BMP7: variants seen among roughly 807,000 people sequenced by gnomAD.
The protein encoded by BMP7 is bone morphogenetic protein 7, also known as osteogenic protein 1.
In BMP7, 12 loss-of-function variants were observed where a neutral mutation model predicts 41.2. The observed-to-expected ratio is 0.29, with a 90% CI of 0.19 to 0.47. The LOEUF (loss-of-function observed/expected upper bound fraction) is 0.47, where lower values mean the gene tolerates loss of function less well. Among genes scored for constraint, BMP7 ranks in the 20% least tolerant of loss-of-function variants. The probability of loss-of-function intolerance (pLI) is 0.99; values close to 1 mark genes in which losing one functional copy is unlikely to be tolerated. For synonymous variants in BMP7, 248 were observed against 250.0 expected (o/e 0.99, Z 0.07); for missense variants, 467 against 606.0 (o/e 0.77, Z 2.41).
chr20:57,266,232 G>T lies in BMP7; in HGVS notation c.-110C>A. On this transcript the variant is annotated 5_prime_UTR_variant, in exon 1 of 7. Transcript: ENST00000395863. ...CCGCTCGGTCACTTGCTGCAGACGG[G>T]CCCCGCTGCGCCCGCGCCAGACATG... The T allele has an allele frequency of 9.0e-7, 1 of 1,116,602 alleles. No homozygotes were observed. Among genetic ancestry groups the T allele is most frequent in the Non-Finnish European group, 1.2e-6 (1 of 858,918 alleles). The allele number at this position is 1,116,602 out of a possible 1,614,324, so 69.2% of individuals were successfully genotyped here.
Position 57,197,864 on chromosome 20 carries a change from T to A in BMP7, c.760+4611A>T, listed in dbSNP as rs1053977442. ...GACCACACAAAGGTGACTGAGGAGC[T>A]GTGCTATGACAGGGGCAGGGGTGCC... On this transcript the variant is annotated intron_variant, in intron 3 of 6. Coordinates refer to ENST00000395863, the MANE Select transcript of BMP7 (RefSeq NM_001719.3). 1.5e-4 allele frequency among the ~76,000 whole-genome samples: 23 copies of A among 152,176 alleles called. 1 individual carries two copies. Among genetic ancestry groups the A allele is most frequent in the African/African-American group, 5.1e-4 (21 of 41,438 alleles).
intron 2 of BMP7, among the ~76,000 whole-genome samples, chr20:57,227,400 C>T (rs967575379): frequency 2.0e-5 from 3 of 151,634 alleles, no homozygotes; most frequent in African/African-American, 7.3e-5. Flanking sequence ...CCACCCCCCA[C>T]CAGCACCAAA....
intron 1 of BMP7, among the ~76,000 whole-genome samples, chr20:57,248,952 C>T (rs111467080): frequency 0.017 from 2,525 of 152,088 alleles, 59 homozygotes; most frequent in African/African-American, 0.057. Flanking sequence ...GTGCCCACCA[C>T]CACGCCCAGC....
intron 2 of BMP7, among the ~76,000 whole-genome samples, chr20:57,222,984 A>T (rs919559988): frequency 1.3e-5 from 2 of 152,036 alleles, no homozygotes; most frequent in African/African-American, 4.8e-5. Flanking sequence ...TGGGAAGAAG[A>T]ACAGTCTTCT....
chr20:57,199,099 G>C (rs559803478), intron 3 of BMP7, among the ~76,000 whole-genome samples: 7 of 152,306 alleles, frequency 4.6e-5, no homozygotes, highest in Admixed American at 4.6e-4. Flanking sequence ...GTTAATATCA[G>C]TAAGAGGTCC....
Position 57,266,615 on chromosome 20 carries a change from A to T in BMP7, c.-493T>A, listed in dbSNP as rs1600651581. ...CAGCCTTGTGCGCCCTGGATCGCAC[A>T]AGAGGCCGCCTCGGGAGCGCCAGAG... is the stretch of plus-strand genomic sequence containing the variant. On this transcript the variant is annotated 5_prime_UTR_variant, in exon 1 of 7. Coordinates refer to ENST00000395863, the MANE Select transcript of BMP7 (RefSeq NM_001719.3). 1 of 152,456 alleles carries T rather than the reference A, an allele frequency of 6.6e-6. No homozygotes were observed. Among genetic ancestry groups the T allele is most frequent in the Non-Finnish European group, 1.5e-5 (1 of 68,198 alleles). 9.4% of individuals were successfully genotyped at this position (152,456 alleles called of 1,614,324 possible).
At chr20:57,240,366 C>T (rs1405178665) in intron 1 of BMP7, among the ~76,000 whole-genome samples, 1 of 152,230 alleles carries the variant, frequency 6.6e-6, no homozygotes, top group Non-Finnish European at 1.5e-5. Flanking sequence ...TCTGAGACCA[C>T]TTCAGCCTGG....
At position 57,202,461 on chromosome 20, in the gene BMP7, G is replaced by A; in HGVS notation, c.760+14C>T. 1 of 1,602,048 alleles carries A rather than the reference G, an allele frequency of 6.2e-7. No individual in the cohort carries two copies. Among genetic ancestry groups the A allele is most frequent in the Admixed American group, 1.7e-5 (1 of 59,932 alleles). On this transcript the variant is annotated intron_variant, in intron 3 of 6. Coordinates refer to ENST00000395863, the MANE Select transcript of BMP7 (RefSeq NM_001719.3). The stretch of plus-strand genomic sequence containing the variant: ...ACAGGCTGCATTAGGACTGGCAGTG[G>A]CCGGGGGACTCACCATCCAGCGTCT...
chr20:57,253,424 T>G (rs1215188611), intron 1 of BMP7, among the ~76,000 whole-genome samples: 1 of 152,210 alleles, frequency 6.6e-6, no homozygotes, highest in East Asian at 1.9e-4. Flanking sequence ...TACCCCCTCT[T>G]TCTTGACCAT....
intron 1 of BMP7, among the ~76,000 whole-genome samples, chr20:57,260,732 A>G (rs748502905): frequency 1.3e-5 from 2 of 152,236 alleles, no homozygotes; most frequent in Admixed American, 6.5e-5. Flanking sequence ...CCTTCTGACA[A>G]TAACATGACA....
chr20:57,178,076 G>A (rs1046455970), intron 4 of BMP7: 2 of 152,490 alleles, frequency 1.3e-5, no homozygotes, highest in Non-Finnish European at 2.9e-5. Flanking sequence ...TGGAGTGAGC[G>A]GGCATGCTGC....
rs186066321 is a variant in BMP7 at position 57,197,026 on chromosome 20, C to T, written c.760+5449G>A. 2.0e-3 allele frequency among the ~76,000 whole-genome samples: 302 copies of T among 151,962 alleles called. 1 individual carries two copies. The highest frequency in any genetic ancestry group is 6.8e-3 in the African/African-American group (282 of 41,400). On this transcript the variant is annotated intron_variant, in intron 3 of 6. Transcript: ENST00000395863. Reference sequence around the variant, plus strand: ...AAGTGATTCTCCTGAGTCAGCCTCCCGAGTAGCTGGGACTACAGGCGCACA... The same window carrying T: ...AAGTGATTCTCCTGAGTCAGCCTCCTGAGTAGCTGGGACTACAGGCGCACA...
chr20:57,176,749 TTCAC>T (rs1249240620), intron 4 of BMP7, among the ~76,000 whole-genome samples: 29 of 28,170 alleles, frequency 1.0e-3, no homozygotes, highest in Non-Finnish European at 1.8e-3. Context: ...ACATTCTCCA[TTCAC>T]ACACACACAC....
rs1417159124 is a variant in BMP7 at position 57,259,369 on chromosome 20, A to G, written c.418+6336T>C. ...CGCTCCTGCATGGGAACAAATTAAC[A>G]TTGGCATTCCAAACACAGGAAAGGA... On this transcript the variant is annotated intron_variant, in intron 1 of 6. Transcript: ENST00000395863. This position sits in a 1 kb window ranked among gnomAD's most constrained non-coding sequence, Gnocchi z 4.7. 6.6e-6 allele frequency among the ~76,000 whole-genome samples: 1 copy of G among 152,238 alleles called. No individual in the cohort carries two copies. The highest frequency in any genetic ancestry group is 1.5e-5 in the Non-Finnish European group (1 of 68,046).
chr20:57,220,928 A>G (rs1439669049), intron 2 of BMP7, among the ~76,000 whole-genome samples: 1 of 152,226 alleles, frequency 6.6e-6, no homozygotes, highest in Non-Finnish European at 1.5e-5. Flanking sequence ...TCACTCATCC[A>G]GCAGGCATCT....
At chr20:57,242,662 G>C (rs186557271) in intron 1 of BMP7, among the ~76,000 whole-genome samples, 3 of 152,288 alleles carry the variant, frequency 2.0e-5, no homozygotes, top group Non-Finnish European at 4.4e-5. Flanking sequence ...TGTGGCTTCC[G>C]TGACTGAGAT....
rs556259071 is a variant in BMP7, at chr20:57,189,791, G to C, written c.761-5872C>G. The stretch of plus-strand genomic sequence containing the variant: ...AATTCATTCAGCAACTGTTTATTGA[G>C]CACCTACTGTGTGCCAGGGGCTGGG... On this transcript the variant is annotated intron_variant, in intron 3 of 6. Transcript: ENST00000395863. 2.0e-5 allele frequency among the ~76,000 whole-genome samples: 3 copies of C among 152,346 alleles called. No individual in the cohort carries two copies. In the South Asian group the frequency reaches 6.2e-4, roughly 32 times the overall value.
intron 2 of BMP7, among the ~76,000 whole-genome samples, chr20:57,220,714 G>A (rs781153086): frequency 1.3e-5 from 2 of 152,128 alleles, no homozygotes; most frequent in Non-Finnish European, 1.5e-5. Flanking sequence ...TGTAAATAAC[G>A]TAATTATAAT....
At chr20:57,239,655 GC>G (rs1043100739) in intron 1 of BMP7, among the ~76,000 whole-genome samples, 3 of 152,216 alleles carry the variant, frequency 2.0e-5, no homozygotes, top group African/African-American at 7.2e-5. Flanking sequence ...ACCCACTCCT[GC>G]AGCAAACTTT....
Sources: allele counts gnomAD v4.1 joint callset (sites outside exome capture counted in the v4.1 genomes callset), GRCh38; gene constraint gnomAD v4.1.1; non-coding constraint Gnocchi (gnomAD v3.1); transcripts MANE v1.5; gene names NCBI Gene and HGNC (gene_info 2026-07-23, HGNC 2026-07-21).